The following BARD1 variants were observed in gnomAD, a reference collection of about 807,000 sequenced individuals.
BARD1 encodes BRCA1-associated RING domain protein 1.
A neutral mutation model predicts 77.0 loss-of-function variants in BARD1; 73 were observed. The ratio of observed to expected loss-of-function variants is 0.95; its 90% confidence interval spans 0.79 to 1.15. BARD1 has a LOEUF of 1.15. BARD1 is among the 50% of genes most tolerant of loss of function. The pLI is 0.00. For missense variants in BARD1, 993 were observed against 938.8 expected (o/e 1.06, Z -0.75); for synonymous variants, 384 against 338.0 (o/e 1.14, Z -1.49).
At chr2:214,765,483 A>G (rs1488158154) in intron 6 of BARD1, among the ~76,000 whole-genome samples, 4 of 152,214 alleles carry the variant, frequency 2.6e-5, no homozygotes, top group Admixed American at 1.3e-4. Context: ...ACCAAGGCAC[A>G]GAAATTAACC....
At chr2:214,771,263 C>T (rs1390430783) in intron 4 of BARD1, among the ~76,000 whole-genome samples, 1 of 152,138 alleles carries the variant, frequency 6.6e-6, no homozygotes, top group Non-Finnish European at 1.5e-5. Context: ...ACAGAAGTTA[C>T]ATGCATAACA....
At chr2:214,764,717 G>C (rs758220775) in intron 6 of BARD1, among the ~76,000 whole-genome samples, 3 of 152,162 alleles carry the variant, frequency 2.0e-5, no homozygotes, top group Non-Finnish European at 4.4e-5. Context: ...GGCCAGACTC[G>C]TGTTCTTCTG....
At chr2:214,760,948 G>C (rs1300625633) in intron 6 of BARD1, among the ~76,000 whole-genome samples, 1 of 150,900 alleles carries the variant, frequency 6.6e-6, no homozygotes, top group East Asian at 2.0e-4. Flanking sequence ...CTAATTTTTT[G>C]TATTTTTAGT....
intron 9 of BARD1, among the ~76,000 whole-genome samples, chr2:214,740,933 T>C (rs961307487): frequency 6.6e-6 from 1 of 152,070 alleles, no homozygotes; most frequent in East Asian, 1.9e-4. Flanking sequence ...AAAGTCTGTA[T>C]AGAATAAAAG....
At chr2:214,806,957 T>C (rs530363779) in intron 1 of BARD1, among the ~76,000 whole-genome samples, 1 of 151,922 alleles carries the variant, frequency 6.6e-6, no homozygotes, top group Non-Finnish European at 1.5e-5. Context: ...ATTAAGTTTA[T>C]CAAGACTTTA....
intron 10 of BARD1, 55 bp from the exon 11 acceptor site, chr2:214,729,063 A>C: frequency 6.6e-7 from 1 of 1,517,476 alleles, no homozygotes; most frequent in Non-Finnish European, 9.1e-7. Context: ...GTATTCAAAA[A>C]CACTGTATAT....
chr2:214,792,239 T>C, intron 3 of BARD1, 58 bp downstream of exon 3: 1 of 1,487,904 alleles, frequency 6.7e-7, no homozygotes, highest in Non-Finnish European at 9.3e-7. Flanking sequence ...TTTATGAATA[T>C]GAATTCATCA....
rs114393461 is a variant in BARD1 at position 214,748,468 on chromosome 2, C to A, written c.1678-2614G>T. Among the ~76,000 whole-genome samples, 544 of 151,936 alleles carry A rather than the reference C, an allele frequency of 3.6e-3. 2 individuals are homozygous for A. Among genetic ancestry groups the A allele is most frequent in the African/African-American group, 0.012 (501 of 41,470 alleles). Reference sequence around the variant, plus strand: ...GGAATAATTAAATAGGGTACTTTTTCTTAGATAAAATCATTAGTTTTTCTT... The same window carrying A: ...GGAATAATTAAATAGGGTACTTTTTATTAGATAAAATCATTAGTTTTTCTT... On this transcript the variant is annotated intron_variant, in intron 7 of 10. Transcript: ENST00000260947.
At chr2:214,753,806 A>C (rs1010870470) in intron 6 of BARD1, among the ~76,000 whole-genome samples, 24 of 152,144 alleles carry the variant, frequency 1.6e-4, no homozygotes, top group Admixed American at 8.5e-4. Context: ...TTCTCTAATG[A>C]CTGCAATTCG....
At position 214,787,833 on chromosome 2, in the gene BARD1, C is replaced by G. The variant is rs144775419; in HGVS notation, c.364+4464G>C. ...TTAATCTACATCAAAGGATTATAAT[C>G]ATGTACACTGTGTGCCTTTCAAGTT... On this transcript the variant is annotated intron_variant, in intron 3 of 10. Transcript: ENST00000260947. 0.02 allele frequency among the ~76,000 whole-genome samples: 2,983 copies of G among 152,060 alleles called. 44 individuals are homozygous for G. Among genetic ancestry groups the G allele is most frequent in the South Asian group, 0.034 (165 of 4,822 alleles).
At chr2:214,760,599 T>C (rs1423342530) in intron 6 of BARD1, among the ~76,000 whole-genome samples, 1 of 152,230 alleles carries the variant, frequency 6.6e-6, no homozygotes, top group Non-Finnish European at 1.5e-5. Context: ...ACTAACTCTA[T>C]GGCTGGATTT....
intron 6 of BARD1, among the ~76,000 whole-genome samples, chr2:214,754,558 G>A (rs2106043731): frequency 6.6e-6 from 1 of 152,214 alleles, no homozygotes. Context: ...GCTTCTCAAA[G>A]TACCACCATC....
chr2:214,758,125 G>C (rs1432563644), intron 6 of BARD1, among the ~76,000 whole-genome samples: 1 of 152,154 alleles, frequency 6.6e-6, no homozygotes, highest in Non-Finnish European at 1.5e-5. Flanking sequence ...TTGTAAGCAG[G>C]AGGGATGGCA....
chr2:214,751,138 TATATA>T (rs1693414943), intron 7 of BARD1, among the ~76,000 whole-genome samples: 1 of 44,142 alleles, frequency 2.3e-5, no homozygotes, highest in Non-Finnish European at 5.5e-5. Context: ...TATATATATA[TATATA>T]TATATATATT....
In BARD1 at chr2:214,725,879, A is replaced by T. The variant is rs1360147363; in HGVS notation, c.*2797T>A. On this transcript the variant is annotated 3_prime_UTR_variant, in exon 11 of 11. Transcript: ENST00000260947. The stretch of plus-strand genomic sequence containing the variant: ...GAGGCCCATGAACGTTTAGAATATG[A>T]TTAATGCATTTTCCACACTGACCCA... 1 of 224,270 alleles carries T rather than the reference A, an allele frequency of 4.5e-6. No individual in the cohort carries two copies. Among genetic ancestry groups the T allele is most frequent in the African/African-American group, 2.2e-5 (1 of 44,846 alleles). The allele number at this position is 224,270 out of a possible 1,614,324, so 13.9% of individuals were successfully genotyped here.
chr2:214,742,210 TA>T (rs772732101), intron 9 of BARD1, among the ~76,000 whole-genome samples: 1 of 152,194 alleles, frequency 6.6e-6, no homozygotes, highest in Non-Finnish European at 1.5e-5. Context: ...CAAATAGTTT[TA>T]AATAGCTCTG....
At chr2:214,792,571 T>C in intron 2 of BARD1, 126 bp from the exon 3 acceptor site, 1 of 915,612 alleles carries the variant, frequency 1.1e-6, no homozygotes, top group East Asian at 2.6e-5. Context: ...TCAATTGTAA[T>C]ATCCTTGTTG....
chr2:214,782,706 A>C (rs1340499477), intron 3 of BARD1, among the ~76,000 whole-genome samples: 1 of 152,138 alleles, frequency 6.6e-6, no homozygotes, highest in Non-Finnish European at 1.5e-5. Context: ...GGCATCAAGG[A>C]GAAGTTGATT....
rs540552595 is a variant in BARD1 at position 214,760,542 on chromosome 2, A to G, written c.1568+6940T>C. Among the ~76,000 whole-genome samples, 9 of 152,280 alleles carry G rather than the reference A, an allele frequency of 5.9e-5. No individual in the cohort carries two copies. The East Asian group carries it at 7.7e-4, about 13-fold the overall frequency. On this transcript the variant is annotated intron_variant, in intron 6 of 10. Coordinates refer to ENST00000260947, the MANE Select transcript of BARD1 (RefSeq NM_000465.4). Reference sequence around the variant, plus strand: ...CATGTATCAGGATAAAACCTGGATTACTTAGCCCTCTTATACAAGCCTTCC... The same window carrying G: ...CATGTATCAGGATAAAACCTGGATTGCTTAGCCCTCTTATACAAGCCTTCC...
Sources: allele counts gnomAD v4.1 joint callset (sites outside exome capture counted in the v4.1 genomes callset), GRCh38; gene constraint gnomAD v4.1.1; transcripts MANE v1.5; gene names NCBI Gene and HGNC (gene_info 2026-07-23, HGNC 2026-07-21).